Variants in MIPEP observed in about 807,000 individuals in gnomAD.
MIPEP encodes the protein mitochondrial intermediate peptidase.
MIPEP carries 79 observed loss-of-function variants against 90.3 expected under a neutral mutation model. The ratio of observed to expected loss-of-function variants is 0.87; its 90% CI spans 0.73 to 1.05. The LOEUF is 1.05. Ranked by LOEUF, MIPEP falls within the 50% of genes least tolerant of loss-of-function variation. The pLI, the probability that MIPEP is intolerant of heterozygous loss-of-function variation, is 0.00. For missense variants in MIPEP, 940 were observed against 905.6 expected, an observed-to-expected ratio of 1.04 and a Z score of -0.49; for synonymous variants, 334 against 315.8, an observed-to-expected ratio of 1.06 and a Z score of -0.61.
intron 16 of MIPEP, among the ~76,000 whole-genome samples, chr13:23,780,704 G>GA (rs1344168605): frequency 2.6e-5 from 4 of 152,096 alleles, no homozygotes; most frequent in Non-Finnish European, 4.4e-5. Context: ...TAAAAACCTT[G>GA]AAAAAAGATT....
intron 16 of MIPEP, among the ~76,000 whole-genome samples, chr13:23,797,098 G>A (rs995085921): frequency 6.6e-6 from 1 of 152,134 alleles, no homozygotes; most frequent in Admixed American, 6.5e-5. Context: ...GGTTTTGCTG[G>A]TACTTGAGAA....
intron 8 of MIPEP, among the ~76,000 whole-genome samples, chr13:23,863,669 A>G (rs964612927): frequency 6.6e-6 from 1 of 152,158 alleles, no homozygotes; most frequent in African/African-American, 2.4e-5. Context: ...TCAACTTGTT[A>G]TAACAAACGG....
At chr13:23,857,962 A>G (rs565474339) in intron 10 of MIPEP, among the ~76,000 whole-genome samples, 71 of 152,298 alleles carry the variant, frequency 4.7e-4, no homozygotes, top group African/African-American at 1.7e-3. Context: ...TCATCACAGT[A>G]CATGCTGGTA....
At chr13:23,763,091 T>C (rs2138520238) in intron 16 of MIPEP, among the ~76,000 whole-genome samples, 1 of 152,398 alleles carries the variant, frequency 6.6e-6, no homozygotes, top group South Asian at 2.1e-4. Flanking sequence ...AAACTTTGAA[T>C]AACTACATTT....
chr13:23,879,214 C>T, intron 4 of MIPEP, 54 bp downstream of exon 4: 5 of 1,099,616 alleles, frequency 4.5e-6, no homozygotes, highest in Non-Finnish European at 4.1e-6. Context: ...GAGAGTCTCC[C>T]AACCTCACCT....
intron 18 of MIPEP, among the ~76,000 whole-genome samples, chr13:23,746,939 C>T (rs1952390242): frequency 6.6e-6 from 1 of 152,162 alleles, no homozygotes; most frequent in Non-Finnish European, 1.5e-5. Context: ...TAGATGATAG[C>T]TTACTATTAG....
intron 18 of MIPEP, among the ~76,000 whole-genome samples, chr13:23,740,205 C>G (rs1952311301): frequency 6.6e-6 from 1 of 152,126 alleles, no homozygotes; most frequent in African/African-American, 2.4e-5. Context: ...CTGCGGTGGG[C>G]CAACAAATGA....
chr13:23,872,976 G>A (rs991105795), intron 5 of MIPEP, among the ~76,000 whole-genome samples: 5 of 152,130 alleles, frequency 3.3e-5, no homozygotes, highest in African/African-American at 4.8e-5. Flanking sequence ...CATGATCCAC[G>A]TTCTTGATCC....
intron 16 of MIPEP, among the ~76,000 whole-genome samples, chr13:23,787,935 T>C (rs187946081): frequency 6.6e-6 from 1 of 152,196 alleles, no homozygotes; most frequent in Admixed American, 6.5e-5. Context: ...AGGGTCCCTA[T>C]GATTACTATC....
intron 16 of MIPEP, among the ~76,000 whole-genome samples, chr13:23,778,990 C>G (rs61946409): frequency 6.6e-6 from 1 of 152,208 alleles, no homozygotes; most frequent in South Asian, 2.1e-4. Flanking sequence ...CAGCTTTGTA[C>G]AACCTGTTTC....
chr13:23,808,747 A>G (rs981945359), intron 15 of MIPEP, among the ~76,000 whole-genome samples: 2 of 152,244 alleles, frequency 1.3e-5, no homozygotes, highest in Admixed American at 6.5e-5. Flanking sequence ...AATTATATTG[A>G]TATGAATAGA....
Position 23,824,020 on chromosome 13 carries a change from C to G in MIPEP, c.1653+12220G>C, listed in dbSNP as rs533960701. On this transcript the variant is annotated intron_variant, in intron 14 of 18. Coordinates refer to ENST00000382172, the MANE Select transcript of MIPEP (RefSeq NM_005932.4). ...AAACAAAAGTGGCAATGTTTGTTGA[C>G]CACGCATAGGAACAAAAACATTAAA... 1.3e-3 allele frequency among the ~76,000 whole-genome samples: 194 copies of G among 152,260 alleles called. 2 individuals are homozygous for G. The highest frequency in any genetic ancestry group is 1.2e-4 in the Non-Finnish European group (8 of 68,028).
At chr13:23,765,520 C>CA (rs1436084922) in intron 16 of MIPEP, among the ~76,000 whole-genome samples, 1 of 152,188 alleles carries the variant, frequency 6.6e-6, no homozygotes, top group African/African-American at 2.4e-5. Context: ...TAGCTTCAGG[C>CA]ATCCACCTGG....
At chr13:23,838,488 T>G (rs920559593) in intron 12 of MIPEP, among the ~76,000 whole-genome samples, 8 of 152,134 alleles carry the variant, frequency 5.3e-5, no homozygotes, top group Non-Finnish European at 1.2e-4. Context: ...GGATCTAAAC[T>G]AGTGTAAAGC....
intron 18 of MIPEP, among the ~76,000 whole-genome samples, chr13:23,739,558 C>G (rs919812613): frequency 1.3e-5 from 2 of 152,172 alleles, no homozygotes; most frequent in African/African-American, 4.8e-5. Context: ...AAGGAAAACA[C>G]GAAGTTGGTA....
intron 14 of MIPEP, among the ~76,000 whole-genome samples, chr13:23,828,708 T>C (rs1057212280): frequency 1.8e-4 from 27 of 152,176 alleles, no homozygotes; most frequent in Non-Finnish European, 3.2e-4. Flanking sequence ...GATTCAAAGA[T>C]TCAATATTCA....
At chr13:23,883,405 C>G (rs566230147) in intron 2 of MIPEP, among the ~76,000 whole-genome samples, 6 of 152,294 alleles carry the variant, frequency 3.9e-5, no homozygotes, top group African/African-American at 1.2e-4. Flanking sequence ...GGATTTGTGA[C>G]AGCCACGCCA....
intron 6 of MIPEP, 150 bp from the exon 7 acceptor site, chr13:23,869,598 G>A (rs1870694193): frequency 1.4e-6 from 1 of 730,706 alleles, no homozygotes; most frequent in Non-Finnish European, 2.1e-6. Flanking sequence ...AAAGCTTCCA[G>A]AGTCATAAAA....
At chr13:23,854,056 T>G (rs1458553956) in intron 10 of MIPEP, among the ~76,000 whole-genome samples, 1 of 150,788 alleles carries the variant, frequency 6.6e-6, no homozygotes, top group Admixed American at 6.6e-5. Flanking sequence ...CCAGGCGCGG[T>G]GGCTCACGCC....
Sources: allele counts gnomAD v4.1 joint callset (sites outside exome capture counted in the v4.1 genomes callset), GRCh38; gene constraint gnomAD v4.1.1; transcripts MANE v1.5; gene names NCBI Gene and HGNC (gene_info 2026-07-23, HGNC 2026-07-21).